The following PRKCB variants were observed in gnomAD, a reference collection of about 807,000 sequenced individuals.
The protein encoded by PRKCB is protein kinase C beta type.
In PRKCB, 13 loss-of-function variants were observed where a neutral mutation model predicts 81.5. The ratio of observed to expected loss-of-function variants is 0.16; its 90% confidence interval spans 0.10 to 0.25. PRKCB has a LOEUF of 0.25. PRKCB is among the 10% of genes least tolerant of loss of function. The pLI is 1.00. For synonymous variants in PRKCB, 335 were observed against 321.4 expected (o/e 1.04, Z -0.45); for missense variants, 509 against 875.7 (o/e 0.58, Z 5.29).
At chr16:24,094,103 T>C (rs954926065) in intron 6 of PRKCB, 60 bp from the exon 7 acceptor site, 1 of 1,569,592 alleles carries the variant, frequency 6.4e-7, no homozygotes, top group Non-Finnish European at 8.6e-7. Flanking sequence ...TCTTGTACAT[T>C]TATTCTGCTT....
At chr16:24,062,501 C>T (rs148891261) in intron 5 of PRKCB, among the ~76,000 whole-genome samples, 2 of 152,340 alleles carry the variant, frequency 1.3e-5, no homozygotes, top group African/African-American at 2.4e-5. Context: ...GTTGTTCTTT[C>T]CTTGACATTT....
In PRKCB at chr16:24,217,905, A is replaced by AT; in HGVS notation, c.*3092dup. 1 of 985,370 alleles carries AT rather than the reference A, an allele frequency of 1.0e-6. No homozygotes were observed. The highest frequency in any genetic ancestry group is 1.2e-6 in the Non-Finnish European group (1 of 829,896). 61.0% of individuals were successfully genotyped at this position (985,370 alleles called of 1,614,324 possible). On this transcript the variant is annotated 3_prime_UTR_variant, in exon 17 of 17. Transcript: ENST00000643927. ...AGGGGTTCAAAAGGGACAGTGGCCC[A>AT]TTTGGGAGACCTTTAGGATCAATGG... is the stretch of plus-strand genomic sequence containing the variant.
At chr16:24,180,954 C>T in intron 13 of PRKCB, 26 bp downstream of exon 13, 3 of 1,611,326 alleles carry the variant, frequency 1.9e-6, no homozygotes, top group South Asian at 1.1e-5. Flanking sequence ...CACACGTTCA[C>T]ATTGCGGTGA....
chr16:23,919,760 A>G (rs1470669164), intron 2 of PRKCB, among the ~76,000 whole-genome samples: 1 of 152,196 alleles, frequency 6.6e-6, no homozygotes, highest in African/African-American at 2.4e-5. Context: ...ATCATCCAGT[A>G]TTTGTCATCT....
At chr16:24,063,523 G>A (rs1044091870) in intron 5 of PRKCB, among the ~76,000 whole-genome samples, 6 of 152,130 alleles carry the variant, frequency 3.9e-5, no homozygotes, top group African/African-American at 1.4e-4. Context: ...TCGAACTCCT[G>A]ACCTCATGTG....
intron 10 of PRKCB, among the ~76,000 whole-genome samples, chr16:24,169,653 A>G (rs916460187): frequency 6.6e-6 from 1 of 152,172 alleles, no homozygotes; most frequent in Non-Finnish European, 1.5e-5. Flanking sequence ...TATCCTGAAT[A>G]CTTTATTGAA....
Position 24,214,669 on chromosome 16 carries a change from T to C in PRKCB, c.1875T>C (p.Asn625=). The change falls in exon 17 of 17, where the codon AAT becomes AAC. Residue 625 remains asparagine, a synonymous_variant. Transcript: ENST00000643927. ...PPYKPKACGR[N]AENFDRFFTR... The stretch of plus-strand genomic sequence containing the variant: ...TTCCCCTCTCATAGTGTGGGCGAAA[T>C]GCTGAAAACTTCGACCGATTTTTCA... 1.2e-6 allele frequency: 2 copies of C among 1,614,112 alleles called. No individual in the cohort carries two copies. The highest frequency in any genetic ancestry group is 1.3e-5 in the African/African-American group (1 of 75,028).
chr16:23,891,831 C>T (rs550931068), intron 2 of PRKCB, among the ~76,000 whole-genome samples: 21 of 152,266 alleles, frequency 1.4e-4, no homozygotes, highest in African/African-American at 3.6e-4. Context: ...ATCACATTGA[C>T]GCAGGAAAGG....
chr16:24,003,605 G>A (rs778880206), intron 3 of PRKCB, among the ~76,000 whole-genome samples: 5 of 151,978 alleles, frequency 3.3e-5, no homozygotes, highest in South Asian at 4.2e-4. Context: ...GGCTGGTCTC[G>A]AACTCCTGAT....
chr16:23,839,276 T>G, intron 2 of PRKCB, among the ~76,000 whole-genome samples: 3 of 43,096 alleles, frequency 7.0e-5, no homozygotes, highest in Non-Finnish European at 9.2e-5. Flanking sequence ...GAGATAGGAG[T>G]GTCTTTTTTT....
rs371903675 is a variant in PRKCB at position 24,004,635 on chromosome 16, A to G, written c.288+16045A>G. ...GCACCACTGCACTCCAGCCTGGGCA[A>G]CAGAGTGAGATTCTGTCTCAAATAA... is the stretch of plus-strand genomic sequence containing the variant. On this transcript the variant is annotated intron_variant, in intron 3 of 16. Transcript: ENST00000643927. Among the ~76,000 whole-genome samples, 45 of 152,332 alleles carry G rather than the reference A, an allele frequency of 3.0e-4. 1 individual carries two copies. The South Asian group carries it at 7.7e-3, about 26-fold the overall frequency.
chr16:24,116,535 A>G (rs778048347), intron 8 of PRKCB, among the ~76,000 whole-genome samples: 8 of 152,218 alleles, frequency 5.3e-5, no homozygotes, highest in Non-Finnish European at 7.4e-5. Flanking sequence ...CTTCCTGGGA[A>G]CAAGTGGAAC....
At chr16:24,015,390 A>T (rs1304262220) in intron 3 of PRKCB, among the ~76,000 whole-genome samples, 1 of 152,156 alleles carries the variant, frequency 6.6e-6, no homozygotes, top group East Asian at 1.9e-4. Flanking sequence ...CTGACCCCTG[A>T]TCTCATGCTA....
chr16:23,976,660 A>C (rs1964631548), intron 2 of PRKCB, among the ~76,000 whole-genome samples: 1 of 152,226 alleles, frequency 6.6e-6, no homozygotes, highest in Admixed American at 6.5e-5. Context: ...TGGTCTGAGC[A>C]ATCTGCTGCT....
At chr16:24,019,619 C>G (rs1965332334) in intron 3 of PRKCB, among the ~76,000 whole-genome samples, 1 of 152,090 alleles carries the variant, frequency 6.6e-6, no homozygotes, top group South Asian at 2.1e-4. Flanking sequence ...TAAAAAGTAG[C>G]TAGGCATGGT....
chr16:23,947,064 C>T (rs1964212909), intron 2 of PRKCB, among the ~76,000 whole-genome samples: 1 of 152,292 alleles, frequency 6.6e-6, no homozygotes, highest in Admixed American at 6.5e-5. Flanking sequence ...CCATGTTGGC[C>T]AGGCTGGTCT....
At chr16:24,195,465 T>A (rs374003153) in intron 16 of PRKCB, among the ~76,000 whole-genome samples, 2 of 152,128 alleles carry the variant, frequency 1.3e-5, no homozygotes, top group Non-Finnish European at 2.9e-5. Flanking sequence ...AAATAGAGTG[T>A]GGTGAGAGAA....
chr16:24,109,373 G>A (rs1356882582), intron 7 of PRKCB, among the ~76,000 whole-genome samples: 1 of 106,364 alleles, frequency 9.4e-6, no homozygotes, highest in Admixed American at 9.0e-5. Context: ...AGGCGGAGGG[G>A]CTCCTCACTT....
At chr16:24,122,701 T>C (rs1296565106) in intron 8 of PRKCB, among the ~76,000 whole-genome samples, 1 of 151,972 alleles carries the variant, frequency 6.6e-6, no homozygotes, top group East Asian at 2.0e-4. Context: ...CTCAATCGAA[T>C]CTCCTGTCTC....
Sources: gnomAD v4.1 joint callset for allele counts (sites outside exome capture counted in the v4.1 genomes callset) on GRCh38, gnomAD v4.1.1 for gene constraint, MANE v1.5 for transcripts, NCBI Gene and HGNC (gene_info 2026-07-23, HGNC 2026-07-21) for gene names.